KANSL1: variants seen among roughly 807,000 people sequenced by gnomAD.
KANSL1 encodes the protein KAT8 regulatory NSL complex subunit 1.
Under a neutral mutation model 103.6 loss-of-function variants are expected in KANSL1, and 22 were observed. The observed-to-expected ratio is 0.21, with a 90% CI of 0.15 to 0.30. KANSL1 has a LOEUF of 0.30. KANSL1 is among the 10% of genes least tolerant of loss of function. The pLI, the probability that KANSL1 is intolerant of heterozygous loss-of-function variation, is 1.00. For missense variants in KANSL1, 1,337 were observed against 1,399.8 expected (o/e 0.96, Z 0.72); for synonymous variants, 600 against 527.6 (o/e 1.14, Z -1.88).
chr17:46,169,908 G>A (rs905099702), intron 2 of KANSL1, among the ~76,000 whole-genome samples: 4 of 152,282 alleles, frequency 2.6e-5, no homozygotes, highest in East Asian at 3.9e-4. Flanking sequence ...TGAGGTGGGC[G>A]GATCACGAGG....
rs748843892 is a variant in KANSL1, at chr17:46,032,107, C to T, written c.3030G>A (p.Pro1010=). Residue 1010 remains proline (P), a synonymous_variant, in exon 14 of 15, where the codon CCG becomes CCA. Transcript: ENST00000432791. The stretch of plus-strand genomic sequence containing the variant: ...GGGTATCCTCACTGGCTAAGTGTCG[C>T]GGAGTGTCCCGAGCCACAGGGGTGA... ...APLTPVARDT[P]RHLASEDTRC... is the part of the protein sequence containing the mutation. The T allele has an allele frequency of 3.2e-5, 51 of 1,613,948 alleles. No individual in the cohort carries two copies. In the East Asian group the frequency reaches 8.9e-4, roughly 28 times the overall value.
chr17:46,217,607 G>A (rs1002186414), intron 1 of KANSL1, among the ~76,000 whole-genome samples: 5 of 152,194 alleles, frequency 3.3e-5, no homozygotes, highest in African/African-American at 1.2e-4. Context: ...CACACAGGGA[G>A]GCTGGGCGCC....
chr17:46,090,441 ATTACT>A (rs1211956939), intron 3 of KANSL1, among the ~76,000 whole-genome samples: 2 of 152,246 alleles, frequency 1.3e-5, no homozygotes, highest in Non-Finnish European at 2.9e-5. Flanking sequence ...TTCTTGATGC[ATTACT>A]TATTGGAACT....
At chr17:46,113,730 T>C (rs557749690) in intron 2 of KANSL1, among the ~76,000 whole-genome samples, 1 of 152,306 alleles carries the variant, frequency 6.6e-6, no homozygotes, top group East Asian at 1.9e-4. Flanking sequence ...TATGTACAGA[T>C]GTAACCTACA....
intron 7 of KANSL1, among the ~76,000 whole-genome samples, chr17:46,046,840 T>TAAAAA (rs36102082): frequency 1.8e-4 from 21 of 118,680 alleles, no homozygotes; most frequent in Non-Finnish European, 3.0e-4. Flanking sequence ...GTCTCAAAAG[T>TAAAAA]AAAAAAAAAA....
At chr17:46,209,641 G>A (rs559175713) in intron 1 of KANSL1, among the ~76,000 whole-genome samples, 76 of 152,270 alleles carry the variant, frequency 5.0e-4, no homozygotes, top group African/African-American at 1.7e-3. Context: ...TTACAGGCAT[G>A]TGCCACCACA....
chr17:46,134,354 G>C (rs762077779), intron 2 of KANSL1, among the ~76,000 whole-genome samples: 1 of 151,952 alleles, frequency 6.6e-6, no homozygotes, highest in African/African-American at 2.4e-5. Flanking sequence ...CTGAGGTCGC[G>C]CCACTGCACT....
chr17:46,053,177 G>A (rs1163358208), intron 6 of KANSL1, among the ~76,000 whole-genome samples: 1 of 150,646 alleles, frequency 6.6e-6, no homozygotes, highest in African/African-American at 2.4e-5. Flanking sequence ...CCCAGCTACT[G>A]GAGAGGCTGG....
rs2077241144 is a variant in KANSL1 at position 46,039,223 on chromosome 17, G to A, written c.2204-8C>T. ...TTTGGTGATGGGACAGCTCTGAAGA[G>A]GGGAACAGAAAAAGAGCTGTGAAAT... On this transcript the variant is annotated splice_region_variant and splice_polypyrimidine_tract_variant and intron_variant, in intron 8 of 14. Coordinates refer to ENST00000432791, the MANE Select transcript of KANSL1 (RefSeq NM_015443.4). 1 of 1,551,242 alleles carries A rather than the reference G, an allele frequency of 6.4e-7. No homozygotes were observed. Among genetic ancestry groups the A allele is most frequent in the South Asian group, 1.2e-5 (1 of 82,382 alleles).
At chr17:46,043,414 G>A (rs892269492) in intron 7 of KANSL1, 1 of 152,154 alleles carries the variant, frequency 6.6e-6, no homozygotes, top group African/African-American at 2.4e-5. Flanking sequence ...CGAGTAGAAG[G>A]AGAAAGCAAG....
chr17:46,137,392 C>A (rs1465406662), intron 2 of KANSL1, among the ~76,000 whole-genome samples: 1 of 152,222 alleles, frequency 6.6e-6, no homozygotes, highest in African/African-American at 2.4e-5. Context: ...CCATATTTAT[C>A]ACATACAACT....
At position 46,139,714 on chromosome 17, in the gene KANSL1, CA is replaced by C. The variant is rs2044325952; in HGVS notation, c.1289+31140del. Among the ~76,000 whole-genome samples the C allele has an allele frequency of 2.0e-5, 3 of 152,204 alleles. No individual in the cohort carries two copies. The South Asian group carries it at 6.2e-4, about 32-fold the overall frequency. ...TATTACGTACATAAAAGCATAATAC[CA>C]AAAATAGGCACTAACTGATTGTTAG... is the stretch of plus-strand genomic sequence containing the variant. On this transcript the variant is annotated intron_variant, in intron 2 of 14. Transcript: ENST00000432791.
chr17:46,070,695 G>A (rs1449224481), intron 4 of KANSL1, among the ~76,000 whole-genome samples: 2 of 152,070 alleles, frequency 1.3e-5, no homozygotes, highest in Non-Finnish European at 2.9e-5. Context: ...TAAAAATGCT[G>A]TTTGTTTTTA....
intron 2 of KANSL1, among the ~76,000 whole-genome samples, chr17:46,142,696 T>G (rs913544760): frequency 6.6e-5 from 10 of 152,272 alleles, no homozygotes; most frequent in African/African-American, 2.2e-4. Flanking sequence ...TAAGTAAAGA[T>G]AGTATTTTTT....
rs780346743 is a variant in KANSL1 at position 46,171,429 on chromosome 17, G to A, written c.715C>T (p.Gln239Ter). Residue 239 changes from glutamine to a stop codon, truncating the protein, a stop_gained, in exon 2 of 15, where the codon CAG becomes TAG. Coordinates refer to ENST00000432791, the MANE Select transcript of KANSL1 (RefSeq NM_015443.4). LOFTEE classifies it high-confidence loss of function. ...ANKSSVNSME[Q>*]PALQGSSRLS... is the part of the protein sequence containing the mutation. The stretch of plus-strand genomic sequence containing the variant: ...CTACTGCTTCCTTGAAGTGCCGGCT[G>A]TTCCATGGAATTGACAGAGGATTTG... 2 of 1,614,072 alleles carry A rather than the reference G, an allele frequency of 1.2e-6. No homozygotes were observed. The highest frequency in any genetic ancestry group is 1.7e-6 in the Non-Finnish European group (2 of 1,180,000).
chr17:46,045,458 C>A (rs2077473605), intron 7 of KANSL1: 1 of 124,146 alleles, frequency 8.1e-6, no homozygotes, highest in Admixed American at 8.5e-5. Flanking sequence ...TATATCTCCA[C>A]AGTCTCATAA....
chr17:46,122,304 G>A (rs62061855), intron 2 of KANSL1, among the ~76,000 whole-genome samples: 21,661 of 151,948 alleles, frequency 0.14, 2,125 homozygotes, highest in Non-Finnish European at 0.22. Flanking sequence ...GTCCCCATCT[G>A]TTTTCTAGCC....
At chr17:46,057,164 C>G (rs1419292496) in intron 6 of KANSL1, among the ~76,000 whole-genome samples, 1 of 152,080 alleles carries the variant, frequency 6.6e-6, no homozygotes, top group Non-Finnish European at 1.5e-5. Context: ...TTGTCAAGAA[C>G]AAGCCTGAAG....
rs1491447711 is a variant in KANSL1, at chr17:46,052,963, CCA to C, written c.1849-2261_1849-2260del. ...TGGGAAAAAGAGTAAGATCCTGTCT[CCA>C]AAAAAAAAAAAAAAAAAAAAAAAAA... On this transcript the variant is annotated intron_variant, in intron 6 of 14. Transcript: ENST00000432791. Among the ~76,000 whole-genome samples, 27 of 43,162 alleles carry C rather than the reference CCA, an allele frequency of 6.3e-4. 4 individuals carry two copies. The highest frequency in any genetic ancestry group is 2.5e-3 in the African/African-American group (25 of 9,826). 28.3% of individuals were successfully genotyped at this position (43,162 alleles called of 152,430 possible). A position where few individuals can be genotyped will look rare whatever the true frequency, so the allele number is the denominator to read the frequency against.
Sources: allele counts gnomAD v4.1 joint callset (sites outside exome capture counted in the v4.1 genomes callset), GRCh38; gene constraint gnomAD v4.1.1; transcripts MANE v1.5; gene names NCBI Gene and HGNC (gene_info 2026-07-23, HGNC 2026-07-21).